The following PPP2R1B variants were observed in gnomAD, a reference collection of about 807,000 sequenced individuals.
PPP2R1B encodes the protein protein phosphatase 2 scaffold subunit Abeta.
Under a neutral mutation model 72.7 loss-of-function variants are expected in PPP2R1B, and 58 were observed. That is an observed-to-expected ratio of 0.80 (90% CI 0.65 to 0.99). The LOEUF is 0.99. PPP2R1B is among the 50% of genes least tolerant of loss of function. PPP2R1B has a pLI of 0.00. For missense variants in PPP2R1B, 695 were observed against 733.6 expected (o/e 0.95, Z 0.61); for synonymous variants, 256 against 264.6 (o/e 0.97, Z 0.32).
chr11:111,720,643 G>A, the PPP2R1B span: 3 of 1,613,902 alleles, frequency 1.9e-6, no homozygotes, highest in Non-Finnish European at 2.5e-6. Context: ...CCCTTCATAA[G>A]CCTGAGACCT....
chr11:111,712,240 G>A, the PPP2R1B span: 9 of 1,614,076 alleles, frequency 5.6e-6, no homozygotes, highest in Admixed American at 3.3e-5. Flanking sequence ...CAGTGACCAT[G>A]CATTCACCGA....
chr11:111,698,738 A>G, the PPP2R1B span, among the ~76,000 whole-genome samples: 2 of 152,128 alleles, frequency 1.3e-5, no homozygotes, highest in Admixed American at 1.3e-4. Flanking sequence ...AAGAAAAACA[A>G]CCTTACCAGT....
At chr11:111,743,667 A>G in intron 11 of PPP2R1B, 137 bp from the exon 12 acceptor site, 3 of 1,066,974 alleles carry the variant, frequency 2.8e-6, no homozygotes, top group Non-Finnish European at 4.0e-6. Context: ...ATCATGCTGC[A>G]ATGACAAGCA....
At chr11:111,713,707 G>A in the PPP2R1B span, among the ~76,000 whole-genome samples, 2 of 152,348 alleles carry the variant, frequency 1.3e-5, no homozygotes, top group East Asian at 3.9e-4. Context: ...GGTGGCTTAC[G>A]CCTGTAATCG....
At chr11:111,721,937 C>G (rs768116763), downstream of PPP2R1B, 4 of 1,591,204 alleles carry the variant, frequency 2.5e-6, no homozygotes, top group Non-Finnish European at 2.6e-6. Context: ...AGCACAGACT[C>G]CAGGTGGGTC....
At chr11:111,733,595 TGTCACCCCAGG>T (rs889547442), downstream of PPP2R1B, among the ~76,000 whole-genome samples, 2 of 152,128 alleles carry the variant, frequency 1.3e-5, no homozygotes, top group African/African-American at 4.8e-5. Flanking sequence ...GACTGTTCAT[TGTCACCCCAGG>T]GCCACCCACA....
At chr11:111,735,429 C>T (rs1944310551), downstream of PPP2R1B, 1 of 152,202 alleles carries the variant, frequency 6.6e-6, no homozygotes, top group African/African-American at 2.4e-5. Context: ...CCTGTTAACC[C>T]CTGCCTGACA....
chr11:111,742,628 T>A lies in PPP2R1B; in HGVS notation c.1592A>T (p.Lys531Met), dbSNP rs910402169. Reference protein sequence around the residue: ...SEACGQEITTKQMLPIVLKMA... With the variant: ...SEACGQEITTMQMLPIVLKMA... ...TTTTAATACGATGGGCAGCATTTGC[T>A]TAGTAGTTATTTCCTGACCACAGGC... The change falls in exon 13 of 15, where the codon AAG (lysine) becomes ATG (methionine). Residue 531 changes from lysine (K) to methionine (M), a missense_variant. Physicochemically the swap from Lys to Met is moderately conservative, Grantham distance 95. Coordinates refer to ENST00000527614, the MANE Select transcript of PPP2R1B (RefSeq NM_002716.5). The A allele has an allele frequency of 1.5e-5, 24 of 1,613,486 alleles. No homozygotes were observed. The highest frequency in any genetic ancestry group is 1.4e-5 in the Non-Finnish European group (17 of 1,179,874).
At position 111,740,167 on chromosome 11, in the gene PPP2R1B, A is replaced by G; in HGVS notation, c.*1429T>C. The G allele has an allele frequency of 1.0e-6, 1 of 985,436 alleles. No individual in the cohort carries two copies. 61.0% of individuals were successfully genotyped at this position (985,436 alleles called of 1,614,324 possible). A position where few individuals can be genotyped will look rare whatever the true frequency, so the allele number is the denominator to read the frequency against. On this transcript the variant is annotated 3_prime_UTR_variant, in exon 15 of 15. Transcript: ENST00000527614. Reference sequence around the variant, plus strand: ...CACTGAGAGAAAAATAAACTATGGGAAAACCCCCTTAACCAAAAGTCATGA... The same window carrying G: ...CACTGAGAGAAAAATAAACTATGGGGAAACCCCCTTAACCAAAAGTCATGA...
chr11:111,694,329 A>G, the PPP2R1B span, among the ~76,000 whole-genome samples: 1 of 152,178 alleles, frequency 6.6e-6, no homozygotes, highest in Non-Finnish European at 1.5e-5. Flanking sequence ...GGTTGATGCA[A>G]CTTAATTTTT....
rs557594440 is a variant in PPP2R1B at position 111,761,676 on chromosome 11, C to T, written c.307-625G>A. On this transcript the variant is annotated intron_variant, in intron 3 of 14. Coordinates refer to ENST00000527614, the MANE Select transcript of PPP2R1B (RefSeq NM_002716.5). ...AACAATCAAGTGAAAACTACAGAGA[C>T]TGGCCAGGCACGGTGGCTCACACCT... Among the ~76,000 whole-genome samples, 10 of 152,358 alleles carry T rather than the reference C, an allele frequency of 6.6e-5. No homozygotes were observed. In the South Asian group the frequency reaches 1.2e-3, roughly 19 times the overall value.
At chr11:111,714,677 A>G in the PPP2R1B span, among the ~76,000 whole-genome samples, 1 of 152,196 alleles carries the variant, frequency 6.6e-6, no homozygotes, top group African/African-American at 2.4e-5. Flanking sequence ...TCAGAAATGG[A>G]GAACTAAAGG....
At chr11:111,701,037 A>C in the PPP2R1B span, 4 of 1,611,168 alleles carry the variant, frequency 2.5e-6, no homozygotes, top group East Asian at 8.9e-5. The surrounding 1 kb of genome is among the most constrained non-coding windows in gnomAD (Gnocchi z 4.2). Context: ...CTGTGTTGTT[A>C]AATGCATCTA....
chr11:111,749,592 C>T lies in PPP2R1B; in HGVS notation c.1339-1578G>A, dbSNP rs797033955. 1.4e-4 allele frequency among the ~76,000 whole-genome samples: 22 copies of T among 152,176 alleles called. 1 individual carries two copies. Among genetic ancestry groups the T allele is most frequent in the African/African-American group, 5.3e-4 (22 of 41,532 alleles). On this transcript the variant is annotated intron_variant, in intron 10 of 14. Coordinates refer to ENST00000527614, the MANE Select transcript of PPP2R1B (RefSeq NM_002716.5). ...GAGCCACTACGCCTGGCCTATTTTC[C>T]GGTTTTTGTAGTTTAACTTTACACT...
At chr11:111,749,867 G>A (rs143563204) in intron 10 of PPP2R1B, among the ~76,000 whole-genome samples, 1 of 152,292 alleles carries the variant, frequency 6.6e-6, no homozygotes, top group East Asian at 1.9e-4. Context: ...GCAACCCTGG[G>A]AAACTTTCCA....
the PPP2R1B span, chr11:111,720,483 A>G: frequency 1.9e-6 from 3 of 1,596,754 alleles, no homozygotes. Flanking sequence ...TAAAGGGAAA[A>G]TTTTCTCCAT....
chr11:111,752,430 G>A (rs1591695116), intron 9 of PPP2R1B, 98 bp from the exon 10 acceptor site: 1 of 1,217,928 alleles, frequency 8.2e-7, no homozygotes, highest in East Asian at 2.6e-5. Context: ...GTAAGACTCA[G>A]GTGAAAAAAA....
chr11:111,759,652 G>A (rs1168027557), intron 5 of PPP2R1B, 152 bp downstream of exon 5: 2 of 747,166 alleles, frequency 2.7e-6, no homozygotes, highest in Admixed American at 7.2e-5. Context: ...TAAGAACATT[G>A]AGATAAGCAT....
intron 5 of PPP2R1B, 61 bp from the exon 6 acceptor site, chr11:111,755,511 G>T: frequency 6.7e-7 from 1 of 1,492,198 alleles, no homozygotes; most frequent in Non-Finnish European, 9.0e-7. Flanking sequence ...AACTGCTGTG[G>T]GGTGGTGCAG....
Sources: allele counts gnomAD v4.1 joint callset (sites outside exome capture counted in the v4.1 genomes callset), GRCh38; gene constraint gnomAD v4.1.1; non-coding constraint Gnocchi (gnomAD v3.1); transcripts MANE v1.5; gene names NCBI Gene and HGNC (gene_info 2026-07-23, HGNC 2026-07-21).